ZMIZ1: variants seen among roughly 807,000 people sequenced by gnomAD.
ZMIZ1 encodes zinc finger MIZ-type containing 1, also known as zinc finger MIZ domain-containing protein 1.
Under a neutral mutation model 113.9 loss-of-function variants are expected in ZMIZ1, and 17 were observed. That is an observed-to-expected ratio of 0.15 (90% CI 0.10 to 0.22). ZMIZ1 has a LOEUF of 0.22. ZMIZ1 is among the 10% of genes least tolerant of loss of function. The pLI, the probability that ZMIZ1 is intolerant of heterozygous loss-of-function variation, is 1.00. For synonymous variants in ZMIZ1, 607 were observed against 603.1 expected, an observed-to-expected ratio of 1.01 and a Z score of -0.09; for missense variants, 1,059 against 1,477.8, an observed-to-expected ratio of 0.72 and a Z score of 4.65.
rs1352656980 is a variant in ZMIZ1, at chr10:79,284,060, A to G, written c.426-5715A>G. Among the ~76,000 whole-genome samples, 72 of 152,330 alleles carry G rather than the reference A, an allele frequency of 4.7e-4. 1 individual carries two copies. Among genetic ancestry groups the G allele is most frequent in the Non-Finnish European group, 4.4e-5 (3 of 68,034 alleles). On this transcript the variant is annotated intron_variant, in intron 8 of 24. Transcript: ENST00000334512. ...AGCTATTACAAGTGCAAGGGAAGAA[A>G]TAACTCAGCCCTCCCCCCGCGTTCC...
chr10:79,119,277 G>A (rs572082208), intron 2 of ZMIZ1, among the ~76,000 whole-genome samples: 11 of 152,282 alleles, frequency 7.2e-5, no homozygotes, highest in African/African-American at 2.4e-4. Context: ...TCCCAGTATC[G>A]CCTTGGGTAG....
intron 7 of ZMIZ1, among the ~76,000 whole-genome samples, chr10:79,273,974 G>A (rs1398870445): frequency 2.0e-5 from 3 of 152,246 alleles, no homozygotes; most frequent in Non-Finnish European, 4.4e-5. Flanking sequence ...CAAGCGAGCT[G>A]CATTTTATGA....
intron 7 of ZMIZ1, 82 bp from the exon 8 acceptor site, chr10:79,277,098 AG>A: frequency 1.4e-6 from 2 of 1,434,192 alleles, no homozygotes; most frequent in Non-Finnish European, 1.8e-6. Flanking sequence ...GATAGCACCC[AG>A]TCTGGGGAGA....
chr10:79,224,284 C>T (rs987763932), intron 7 of ZMIZ1, among the ~76,000 whole-genome samples: 6 of 152,220 alleles, frequency 3.9e-5, no homozygotes, highest in African/African-American at 1.2e-4. Flanking sequence ...CTTTGTTTCC[C>T]ACATTTTCTT....
Position 79,312,781 on chromosome 10 carries a change from T to C in ZMIZ1, c.*32T>C. 6.3e-7 allele frequency: 1 copy of C among 1,597,718 alleles called. No individual in the cohort carries two copies. The highest frequency in any genetic ancestry group is 1.1e-5 in the South Asian group (1 of 90,760). ...CCCGGTCGGGGCCATCCCTCCACAC[T>C]CTGCATCCTACCCCACCTACCCAAC... is the stretch of plus-strand genomic sequence containing the variant. On this transcript the variant is annotated 3_prime_UTR_variant, in exon 25 of 25. Coordinates refer to ENST00000334512, the MANE Select transcript of ZMIZ1 (RefSeq NM_020338.4).
At chr10:79,139,555 CG>C (rs1244850850) in intron 2 of ZMIZ1, 126 bp from the exon 3 acceptor site, 22 of 396,772 alleles carry the variant, frequency 5.5e-5, no homozygotes, top group Non-Finnish European at 8.9e-5. Context: ...TCAGGCATCC[CG>C]GGGTGTGCTT....
intron 1 of ZMIZ1, among the ~76,000 whole-genome samples, chr10:79,070,377 C>T (rs1234619577): frequency 6.6e-6 from 1 of 152,108 alleles, no homozygotes; most frequent in Non-Finnish European, 1.5e-5. Context: ...CGGCCGCCTT[C>T]CCGGCCATTG....
intron 7 of ZMIZ1, among the ~76,000 whole-genome samples, chr10:79,224,981 C>A (rs537141204): frequency 4.6e-5 from 7 of 152,304 alleles, no homozygotes; most frequent in African/African-American, 1.7e-4. Flanking sequence ...TAGAATGTGC[C>A]CCTTACCCAC....
intron 2 of ZMIZ1, among the ~76,000 whole-genome samples, chr10:79,132,039 G>A (rs1241699361): frequency 6.6e-6 from 1 of 152,172 alleles, no homozygotes; most frequent in Admixed American, 6.5e-5. Flanking sequence ...TCTGCACTGG[G>A]GAGTGTAAAA....
At chr10:79,090,321 T>TTC (rs1554848962) in intron 1 of ZMIZ1, among the ~76,000 whole-genome samples, 1 of 152,148 alleles carries the variant, frequency 6.6e-6, no homozygotes, top group Non-Finnish European at 1.5e-5. Context: ...GGGTTTTTTT[T>TTC]CTCATCCCCC....
intron 3 of ZMIZ1, among the ~76,000 whole-genome samples, chr10:79,147,128 A>T (rs1175043068): frequency 6.6e-6 from 1 of 152,106 alleles, no homozygotes; most frequent in African/African-American, 2.4e-5. Flanking sequence ...GGCAGCGAGG[A>T]TCGCCATGGG....
At chr10:79,189,772 G>A (rs1211318107) in intron 4 of ZMIZ1, among the ~76,000 whole-genome samples, 6 of 152,224 alleles carry the variant, frequency 3.9e-5, no homozygotes, top group Admixed American at 1.3e-4. Context: ...AGCACCTAGC[G>A]TGATTTTTGT....
intron 3 of ZMIZ1, among the ~76,000 whole-genome samples, chr10:79,153,779 G>C (rs1206421697): frequency 6.6e-6 from 1 of 152,260 alleles, no homozygotes; most frequent in Admixed American, 6.5e-5. Flanking sequence ...CCAGGCCTGG[G>C]TGAGGTTAGA....
rs531622499 is a variant in ZMIZ1 at position 79,089,099 on chromosome 10, C to T, written c.-337+19829C>T. Among the ~76,000 whole-genome samples, 6 of 152,338 alleles carry T rather than the reference C, an allele frequency of 3.9e-5. No homozygotes were observed. The East Asian group carries it at 1.2e-3, about 29-fold the overall frequency. On this transcript the variant is annotated intron_variant, in intron 1 of 24. Transcript: ENST00000334512. ...CTGTGGACATGGTTGTCTGCCCCTG[C>T]CCCTCCGACAGGACAGCGCTGAGCA...
At chr10:79,219,684 C>G (rs1848882431) in intron 7 of ZMIZ1, among the ~76,000 whole-genome samples, 1 of 152,196 alleles carries the variant, frequency 6.6e-6, no homozygotes, top group African/African-American at 2.4e-5. Context: ...ATTTAGAAAG[C>G]CCTTTCCCAT....
intron 3 of ZMIZ1, among the ~76,000 whole-genome samples, chr10:79,144,114 A>C (rs995405764): frequency 6.6e-6 from 1 of 152,178 alleles, no homozygotes; most frequent in Non-Finnish European, 1.5e-5. Flanking sequence ...GGAGGGGACG[A>C]GTAATCCCGT....
At position 79,215,913 on chromosome 10, in the gene ZMIZ1, C is replaced by G. The variant is rs191905141; in HGVS notation, c.175-256C>G. 3.8e-3 allele frequency among the ~76,000 whole-genome samples: 578 copies of G among 152,232 alleles called. 3 individuals are homozygous for G. Among genetic ancestry groups the G allele is most frequent in the African/African-American group, 0.013 (540 of 41,534 alleles). On this transcript the variant is annotated intron_variant, in intron 6 of 24. Transcript: ENST00000334512. ...TCTGAGCCCTTGGAAGCGGCGGGGC[C>G]TATGGCTTTGGTGTTGGACCCATCG... is the stretch of plus-strand genomic sequence containing the variant.
chr10:79,216,400 T>G, intron 7 of ZMIZ1, 126 bp downstream of exon 7: 1 of 744,064 alleles, frequency 1.3e-6, no homozygotes. Flanking sequence ...TGCGAACCCC[T>G]GAGGAAGAGC....
At chr10:79,222,967 C>T (rs1274237214) in intron 7 of ZMIZ1, among the ~76,000 whole-genome samples, 2 of 152,176 alleles carry the variant, frequency 1.3e-5, no homozygotes, top group East Asian at 3.9e-4. Flanking sequence ...GAAAGCAAGC[C>T]CTCTTGCTCT....
Sources: gnomAD v4.1 joint callset for allele counts (sites outside exome capture counted in the v4.1 genomes callset) on GRCh38, gnomAD v4.1.1 for gene constraint, MANE v1.5 for transcripts, NCBI Gene and HGNC (gene_info 2026-07-23, HGNC 2026-07-21) for gene names.